Variants in DAAM1 observed in about 807,000 individuals in gnomAD.
The protein encoded by DAAM1 is disheveled-associated activator of morphogenesis 1.
In DAAM1, 52 loss-of-function variants were observed where a neutral mutation model predicts 130.0. The observed-to-expected ratio is 0.40, with a 90% CI of 0.32 to 0.50. The LOEUF is 0.50. Among genes scored for constraint, DAAM1 ranks in the 20% least tolerant of loss-of-function variants. DAAM1 has a pLI of 0.61. For missense variants in DAAM1, 1,134 were observed against 1,303.8 expected, an observed-to-expected ratio of 0.87 and a Z score of 2.01; for synonymous variants, 452 against 444.5, an observed-to-expected ratio of 1.02 and a Z score of -0.21.
In DAAM1 at chr14:59,286,970, G is replaced by A. The variant is rs116769192; in HGVS notation, c.184-4247G>A. 3.6e-3 allele frequency among the ~76,000 whole-genome samples: 554 copies of A among 152,152 alleles called. 5 individuals carry two copies. Among genetic ancestry groups the A allele is most frequent in the African/African-American group, 0.012 (507 of 41,530 alleles). On this transcript the variant is annotated intron_variant, in intron 2 of 24. Coordinates refer to ENST00000360909, the MANE Select transcript of DAAM1 (RefSeq NM_001270520.2). ...CACCCTGATACCAAAGACTGGCAGA[G>A]ACACAAGAAAAAAAGAGAAAAATTC...
At chr14:59,322,767 T>A in intron 5 of DAAM1, 125 bp from the exon 6 acceptor site, 1 of 737,098 alleles carries the variant, frequency 1.4e-6, no homozygotes, top group Non-Finnish European at 2.2e-6. Context: ...AAAGACTTCA[T>A]CAATGTAAGC....
At chr14:59,205,887 G>A (rs1888241591) in intron 1 of DAAM1, among the ~76,000 whole-genome samples, 1 of 152,074 alleles carries the variant, frequency 6.6e-6, no homozygotes, top group Non-Finnish European at 1.5e-5. Context: ...GTAAAGGTTC[G>A]GGTGGTAAGT....
intron 2 of DAAM1, among the ~76,000 whole-genome samples, chr14:59,282,804 A>G (rs962667168): frequency 5.9e-5 from 9 of 152,228 alleles, no homozygotes; most frequent in Non-Finnish European, 1.2e-4. Flanking sequence ...AAACACTACT[A>G]TTAAGAACAT....
intron 20 of DAAM1, among the ~76,000 whole-genome samples, chr14:59,356,044 G>A (rs1015520304): frequency 2.0e-5 from 3 of 152,154 alleles, no homozygotes; most frequent in African/African-American, 7.2e-5. Flanking sequence ...ATGTGAAAAC[G>A]TTCTTGTGTC....
At chr14:59,224,986 A>G (rs8005148) in intron 1 of DAAM1, among the ~76,000 whole-genome samples, 1,592 of 144,862 alleles carry the variant, frequency 0.011, 26 homozygotes, top group African/African-American at 0.039. Context: ...AACCTCTACA[A>G]CCTCTAGGAC....
At chr14:59,190,864 T>C (rs1289577209) in intron 1 of DAAM1, among the ~76,000 whole-genome samples, 1 of 152,244 alleles carries the variant, frequency 6.6e-6, no homozygotes, top group African/African-American at 2.4e-5. Context: ...CTTCTGATAC[T>C]GTGCCGTCAG....
At chr14:59,311,778 T>C (rs1275372893) in intron 3 of DAAM1, among the ~76,000 whole-genome samples, 1 of 152,216 alleles carries the variant, frequency 6.6e-6, no homozygotes, top group African/African-American at 2.4e-5. Flanking sequence ...GCTGGTGAAC[T>C]CCTAGGCTCA....
At chr14:59,305,209 A>T (rs1048043203) in intron 3 of DAAM1, among the ~76,000 whole-genome samples, 1 of 152,244 alleles carries the variant, frequency 6.6e-6, no homozygotes, top group Non-Finnish European at 1.5e-5. Context: ...TGACATGTGG[A>T]TCAAAGATTT....
intron 3 of DAAM1, among the ~76,000 whole-genome samples, chr14:59,297,692 G>C (rs184840052): frequency 6.6e-6 from 1 of 152,252 alleles, no homozygotes; most frequent in African/African-American, 2.4e-5. Flanking sequence ...AAGATATTTT[G>C]ACAAAGAGAG....
intron 3 of DAAM1, among the ~76,000 whole-genome samples, chr14:59,313,836 G>A (rs1003116713): frequency 6.6e-5 from 10 of 152,132 alleles, no homozygotes; most frequent in Non-Finnish European, 1.2e-4. Context: ...TTTCCTAAAC[G>A]TTGTGAAACT....
In DAAM1 at chr14:59,263,586, G is replaced by A; in HGVS notation, c.109G>A (p.Ala37Thr). 1.2e-6 allele frequency: 2 copies of A among 1,614,170 alleles called. No individual in the cohort carries two copies. The highest frequency in any genetic ancestry group is 1.7e-6 in the Non-Finnish European group (2 of 1,180,024). ...TYRLRNDSNF[A>T]LQTMEPALPM... ...TCGGCTGCGAAATGATAGCAACTTT[G>A]CGCTTCAGACCATGGAACCAGCATT... Residue 37 changes from alanine to threonine, a missense_variant, in exon 2 of 25, where the codon GCG becomes ACG. Coordinates refer to ENST00000360909, the MANE Select transcript of DAAM1 (RefSeq NM_001270520.2).
At position 59,195,362 on chromosome 14, in the gene DAAM1, C is replaced by A. The variant is rs577038728; in HGVS notation, c.-38+6594C>A. 1.8e-4 allele frequency among the ~76,000 whole-genome samples: 28 copies of A among 152,190 alleles called. No individual in the cohort carries two copies. In the South Asian group the frequency reaches 5.8e-3, roughly 32 times the overall value. ...GTTTCACCGTGTTAGCCAGGATGGTCTCAATCTCCTGATCTCGTGATCCGC... is the reference window on the plus strand; with the variant it reads ...GTTTCACCGTGTTAGCCAGGATGGTATCAATCTCCTGATCTCGTGATCCGC... On this transcript the variant is annotated intron_variant, in intron 1 of 24. Transcript: ENST00000360909.
rs369974125 is a variant in DAAM1 at position 59,308,705 on chromosome 14, CAT to C, written c.274-6574_274-6573del. ...TGATGGCTTTGGTTAAAAACATGCA[CAT>C]GTTTTATTAAAACATTAGGAAAAAT... is the stretch of plus-strand genomic sequence containing the variant. On this transcript the variant is annotated intron_variant, in intron 3 of 24. Coordinates refer to ENST00000360909, the MANE Select transcript of DAAM1 (RefSeq NM_001270520.2). 7.9e-5 allele frequency among the ~76,000 whole-genome samples: 12 copies of C among 152,290 alleles called. No homozygotes were observed. The East Asian group carries it at 1.9e-3, about 24-fold the overall frequency.
At chr14:59,321,622 T>G (rs1212810624) in intron 5 of DAAM1, among the ~76,000 whole-genome samples, 3 of 152,222 alleles carry the variant, frequency 2.0e-5, no homozygotes. Context: ...TGAGCACAGG[T>G]GCTATGAATG....
intron 16 of DAAM1, among the ~76,000 whole-genome samples, chr14:59,345,638 C>T (rs988044888): frequency 1.8e-4 from 27 of 152,150 alleles, no homozygotes; most frequent in African/African-American, 2.4e-4. Flanking sequence ...CCAGCTTCAC[C>T]TGGGGCTTCT....
intron 17 of DAAM1, among the ~76,000 whole-genome samples, chr14:59,352,140 T>C (rs1886315430): frequency 6.6e-6 from 1 of 152,204 alleles, no homozygotes; most frequent in Non-Finnish European, 1.5e-5. Flanking sequence ...TTCTAATCAC[T>C]ACCCACACTT....
chr14:59,352,102 G>GC (rs1283523825), intron 17 of DAAM1, among the ~76,000 whole-genome samples: 1 of 152,198 alleles, frequency 6.6e-6, no homozygotes, highest in African/African-American at 2.4e-5. Context: ...AAGGCACAGA[G>GC]CTGGGAGTCA....
chr14:59,346,137 TTG>T (rs753935301), intron 16 of DAAM1, among the ~76,000 whole-genome samples: 7,401 of 57,418 alleles, frequency 0.13, 196 homozygotes, highest in Non-Finnish European at 0.2. Context: ...TCCCTTTTTT[TTG>T]GGGGGGGGGG....
rs373571158 is a variant in DAAM1 at position 59,326,865 on chromosome 14, G to A, written c.1314-68G>A. ...CTGCAGTAGACTATTTTTGTACCTG[G>A]GGAGAATGCAGTTAGCAGTGGACCT... On this transcript the variant is annotated intron_variant, in intron 11 of 24. Transcript: ENST00000360909. The A allele has an allele frequency of 3.6e-5, 58 of 1,592,664 alleles. 2 individuals are homozygous for A. Among genetic ancestry groups the A allele is most frequent in the Admixed American group, 2.2e-4 (13 of 58,736 alleles).
Sources: allele counts gnomAD v4.1 joint callset (sites outside exome capture counted in the v4.1 genomes callset), GRCh38; gene constraint gnomAD v4.1.1; transcripts MANE v1.5; gene names NCBI Gene and HGNC (gene_info 2026-07-23, HGNC 2026-07-21).